Variants in SHISAL1 observed in about 807,000 individuals in gnomAD.
SHISAL1 encodes protein shisa-like-1.
In SHISAL1, 9 loss-of-function variants were observed where a neutral mutation model predicts 22.6. The ratio of observed to expected loss-of-function variants is 0.40; its 90% CI spans 0.24 to 0.70. SHISAL1 has a LOEUF of 0.70. Ranked by LOEUF, SHISAL1 falls within the 30% of genes least tolerant of loss-of-function variation. SHISAL1 has a pLI of 0.39. For synonymous variants in SHISAL1, 119 were observed against 115.4 expected (o/e 1.03, Z -0.20); for missense variants, 246 against 270.6 (o/e 0.91, Z 0.64).
At chr22:44,328,455 A>G in the SHISAL1 span, among the ~76,000 whole-genome samples, 203 of 152,274 alleles carry the variant, frequency 1.3e-3, no homozygotes, top group Non-Finnish European at 2.6e-3. Context: ...TGCCAAGTGC[A>G]ACCCTAGTGC....
At chr22:44,251,766 A>C (rs2055049191) in intron 4 of SHISAL1, among the ~76,000 whole-genome samples, 1 of 152,328 alleles carries the variant, frequency 6.6e-6, no homozygotes, top group Non-Finnish European at 1.5e-5. Context: ...CCATGATTCA[A>C]TTACCTCCCA....
At chr22:44,308,589 G>A (rs2055495594) in intron 1 of SHISAL1, among the ~76,000 whole-genome samples, 1 of 152,162 alleles carries the variant, frequency 6.6e-6, no homozygotes. Flanking sequence ...CACTCCCCAG[G>A]CGAGCTTCTG....
At chr22:44,299,925 CAGACACAG>C (rs1247642883) in intron 2 of SHISAL1, among the ~76,000 whole-genome samples, 1 of 144,884 alleles carries the variant, frequency 6.9e-6, no homozygotes, top group Non-Finnish European at 1.5e-5. Flanking sequence ...GAAACAGAGA[CAGACACAG>C]AGACACAGAG....
At chr22:44,297,680 C>G (rs1027089608) in intron 2 of SHISAL1, among the ~76,000 whole-genome samples, 2 of 152,232 alleles carry the variant, frequency 1.3e-5, no homozygotes, top group Non-Finnish European at 2.9e-5. Context: ...ATGGTATTTA[C>G]GAGTCGTGCC....
the SHISAL1 span, among the ~76,000 whole-genome samples, chr22:44,331,056 G>A: frequency 1.3e-5 from 2 of 152,078 alleles, no homozygotes; most frequent in Non-Finnish European, 2.9e-5. The surrounding 1 kb of genome is among the most constrained non-coding windows in gnomAD (Gnocchi z 5.2). Flanking sequence ...TTGGAAGCCA[G>A]TCCCCCCCTT....
chr22:44,263,300 A>C (rs1330251641), intron 4 of SHISAL1, among the ~76,000 whole-genome samples: 1 of 151,682 alleles, frequency 6.6e-6, no homozygotes. Flanking sequence ...CGAACTCCTG[A>C]CCTCAGGTGA....
intron 3 of SHISAL1, among the ~76,000 whole-genome samples, chr22:44,294,731 T>C (rs2055374564): frequency 1.3e-5 from 2 of 152,158 alleles, no homozygotes; most frequent in South Asian, 2.1e-4. Flanking sequence ...ATAAGAAATT[T>C]CAGTAAGGTG....
At chr22:44,277,931 G>C (rs1253895656) in intron 4 of SHISAL1, among the ~76,000 whole-genome samples, 1 of 152,236 alleles carries the variant, frequency 6.6e-6, no homozygotes, top group African/African-American at 2.4e-5. Context: ...AGGCTGGAGG[G>C]ACACGGAGCC....
intron 4 of SHISAL1, among the ~76,000 whole-genome samples, chr22:44,256,587 C>T (rs1265649863): frequency 2.6e-5 from 4 of 152,206 alleles, no homozygotes; most frequent in African/African-American, 9.6e-5. Context: ...CCTTTGGCCA[C>T]CTGTTTAAAA....
At chr22:44,301,055 G>T (rs991949958) in intron 1 of SHISAL1, 78 bp from the exon 2 acceptor site, 8 of 941,234 alleles carry the variant, frequency 8.5e-6, no homozygotes, top group Non-Finnish European at 1.3e-5. Context: ...AGCGGGGGAC[G>T]GGCAGGCGGG....
intron 1 of SHISAL1, among the ~76,000 whole-genome samples, chr22:44,302,558 T>G (rs974420046): frequency 2.6e-5 from 4 of 151,940 alleles, no homozygotes; most frequent in African/African-American, 4.8e-5. Context: ...GACCTTTGAG[T>G]GAGGCGGGAG....
intron 4 of SHISAL1, among the ~76,000 whole-genome samples, chr22:44,252,455 A>G (rs1171470147): frequency 6.6e-6 from 1 of 152,180 alleles, no homozygotes; most frequent in African/African-American, 2.4e-5. Flanking sequence ...TTTCCAAATT[A>G]TCTAGAAGAC....
chr22:44,324,306 C>A, the SHISAL1 span, among the ~76,000 whole-genome samples: 1 of 152,308 alleles, frequency 6.6e-6, no homozygotes, highest in African/African-American at 2.4e-5. Context: ...CTCCCCCCTG[C>A]CTGGTCTGCA....
Position 44,244,179 on chromosome 22 carries a change from C to G in SHISAL1, c.*5506G>C, listed in dbSNP as rs1337185303. 4 of 152,242 alleles carry G rather than the reference C, an allele frequency of 2.6e-5. No individual in the cohort carries two copies. The highest frequency in any genetic ancestry group is 9.6e-5 in the African/African-American group (4 of 41,460). The allele number at this position is 152,242 out of a possible 1,614,324, so 9.4% of individuals were successfully genotyped here. A position where few individuals can be genotyped will look rare whatever the true frequency, so the allele number is the denominator to read the frequency against. On this transcript the variant is annotated 3_prime_UTR_variant, in exon 5 of 5. Coordinates refer to ENST00000381176, the MANE Select transcript of SHISAL1 (RefSeq NM_001099294.2). ...AAGAGGCTCTCTCTTGGGCCACCAG[C>G]TTGGTTCCAGCTGTGGCCAGGGTGG...
chr22:44,301,250 C>A (rs930656188), intron 1 of SHISAL1, among the ~76,000 whole-genome samples: 4 of 152,190 alleles, frequency 2.6e-5, no homozygotes, highest in Admixed American at 2.0e-4. Context: ...GTGGAAATGA[C>A]CGGCCGGCAG....
At chr22:44,277,550 C>T (rs1243755531) in intron 4 of SHISAL1, among the ~76,000 whole-genome samples, 3 of 152,186 alleles carry the variant, frequency 2.0e-5, no homozygotes, top group East Asian at 1.9e-4. Flanking sequence ...AGTGCTGGAT[C>T]GCTGGGCCGC....
At chr22:44,288,917 GA>G (rs899671060) in intron 3 of SHISAL1, among the ~76,000 whole-genome samples, 1 of 152,236 alleles carries the variant, frequency 6.6e-6, no homozygotes, top group African/African-American at 2.4e-5. Flanking sequence ...TGGAGATTGG[GA>G]GGGCCCTGAA....
chr22:44,279,874 C>G lies in SHISAL1; in HGVS notation c.599+5554G>C, dbSNP rs6006721. Among the ~76,000 whole-genome samples, 1,311 of 152,286 alleles carry G rather than the reference C, an allele frequency of 8.6e-3. 18 individuals carry two copies. Among genetic ancestry groups the G allele is most frequent in the African/African-American group, 0.029 (1,188 of 41,538 alleles). On this transcript the variant is annotated intron_variant, in intron 4 of 4. Coordinates refer to ENST00000381176, the MANE Select transcript of SHISAL1 (RefSeq NM_001099294.2). Reference sequence around the variant, plus strand: ...CTTGCTATAAATGCAGAATCCTAGGCCTACCCCATCATTAGGCATCAGAAT... The same window carrying G: ...CTTGCTATAAATGCAGAATCCTAGGGCTACCCCATCATTAGGCATCAGAAT...
rs2055000772 is a variant in SHISAL1, at chr22:44,246,337, G to A, written c.*3348C>T. 1.3e-5 allele frequency: 2 copies of A among 152,184 alleles called. No homozygotes were observed. The highest frequency in any genetic ancestry group is 6.5e-5 in the Admixed American group (1 of 15,286). 9.4% of individuals were successfully genotyped at this position (152,184 alleles called of 1,614,324 possible). ...AACAGCCTCGAATGCAGATTCCTCTGTGGACATCTTGTCCTCTTCTCTCTC... is the reference window on the plus strand; with the variant it reads ...AACAGCCTCGAATGCAGATTCCTCTATGGACATCTTGTCCTCTTCTCTCTC... On this transcript the variant is annotated 3_prime_UTR_variant, in exon 5 of 5. Transcript: ENST00000381176.
Sources: gnomAD v4.1 joint callset for allele counts (sites outside exome capture counted in the v4.1 genomes callset) on GRCh38, gnomAD v4.1.1 for gene constraint, Gnocchi (gnomAD v3.1) non-coding constraint, MANE v1.5 for transcripts, NCBI Gene and HGNC (gene_info 2026-07-23, HGNC 2026-07-21) for gene names.